HECTD2: variants seen among roughly 807,000 people sequenced by gnomAD.
HECTD2 encodes probable E3 ubiquitin-protein ligase HECTD2.
In HECTD2, 35 loss-of-function variants were observed where a neutral mutation model predicts 103.2. That is an observed-to-expected ratio of 0.34 (90% CI 0.26 to 0.45). The LOEUF is 0.45. Ranked by LOEUF, HECTD2 falls within the 20% of genes least tolerant of loss-of-function variation. The pLI, the probability that HECTD2 is intolerant of heterozygous loss-of-function variation, is 1.00. For synonymous variants in HECTD2, 281 were observed against 329.9 expected, an observed-to-expected ratio of 0.85 and a Z score of 1.61; for missense variants, 596 against 937.4, an observed-to-expected ratio of 0.64 and a Z score of 4.76.
At position 91,414,557 on chromosome 10, in the gene HECTD2, A is replaced by G. The variant is rs575856255; in HGVS notation, c.138+3981A>G. ...GGGTTAACACATGAAAAGCAAAGCA[A>G]TATGTAAAAACCACAATGAGCCATA... On this transcript the variant is annotated intron_variant, in intron 1 of 20. Transcript: ENST00000298068. Among the ~76,000 whole-genome samples the G allele has an allele frequency of 3.9e-5, 6 of 152,364 alleles. No homozygotes were observed. In the South Asian group the frequency reaches 1.2e-3, roughly 32 times the overall value.
In HECTD2 at chr10:91,512,481, CA is replaced by C; in HGVS notation, c.*100del. On this transcript the variant is annotated 3_prime_UTR_variant, in exon 21 of 21. Coordinates refer to ENST00000298068, the MANE Select transcript of HECTD2 (RefSeq NM_182765.6). Reference sequence around the variant, plus strand: ...ATGTTTCTGTCTCAAAACACTTTGACAAAGCTCACCAACTTTAAAATATTAA... The same window carrying C: ...ATGTTTCTGTCTCAAAACACTTTGACAAGCTCACCAACTTTAAAATATTAA... 3 of 1,062,136 alleles carry C rather than the reference CA, an allele frequency of 2.8e-6. No individual in the cohort carries two copies. Among genetic ancestry groups the C allele is most frequent in the Non-Finnish European group, 4.0e-6 (3 of 741,104 alleles). The allele number at this position is 1,062,136 out of a possible 1,614,324, so 65.8% of individuals were successfully genotyped here.
In HECTD2 at chr10:91,503,224, C is replaced by T. The variant is rs11186594; in HGVS notation, c.2210+1890C>T. On this transcript the variant is annotated intron_variant, in intron 20 of 20. Transcript: ENST00000298068. ...ACCACAATGAGATACCATCTCACAGCGGTCAGAATGGCTATTGTTATATTA... is the reference window on the plus strand; with the variant it reads ...ACCACAATGAGATACCATCTCACAGTGGTCAGAATGGCTATTGTTATATTA... Among the ~76,000 whole-genome samples, 280 of 152,280 alleles carry T rather than the reference C, an allele frequency of 1.8e-3. 5 individuals carry two copies. The East Asian group carries it at 0.037, about 20-fold the overall frequency.
intron 1 of HECTD2, among the ~76,000 whole-genome samples, chr10:91,415,216 G>GTGTGTGTC (rs1001089297): frequency 2.0e-5 from 3 of 151,908 alleles, no homozygotes; most frequent in African/African-American, 7.3e-5. Flanking sequence ...GTGTGTGTGT[G>GTGTGTGTC]TGTGTGTGTG....
At chr10:91,430,320 AGGTGT>A (rs1843789602) in intron 2 of HECTD2, among the ~76,000 whole-genome samples, 3 of 152,210 alleles carry the variant, frequency 2.0e-5, no homozygotes, top group Admixed American at 2.0e-4. Flanking sequence ...ATTTTGGAAT[AGGTGT>A]GGTGTGGTGC....
chr10:91,510,496 T>C (rs1038044067), intron 20 of HECTD2, among the ~76,000 whole-genome samples: 1 of 152,210 alleles, frequency 6.6e-6, no homozygotes, highest in Admixed American at 6.5e-5. Context: ...TCTGGTAGAA[T>C]ATTGATATTG....
In HECTD2 at chr10:91,496,311, A is replaced by C. The variant is rs1352149288; in HGVS notation, c.1619A>C (p.Asp540Ala). ...KLLSPPIIPS[D>A]QNIPVGICNV... is the part of the protein sequence containing the mutation. ...TTGAGCCCTCCCATCATTCCTAGTG[A>C]TCAAAATATACCAGTAGGCATCTGC... The change falls in exon 15 of 21, where the codon GAT becomes GCT. Residue 540 changes from aspartate (D) to alanine (A), a missense_variant. Physicochemically the swap from Asp to Ala is moderately radical, Grantham distance 126. Transcript: ENST00000298068. 2.5e-6 allele frequency: 4 copies of C among 1,611,976 alleles called. No individual in the cohort carries two copies. The highest frequency in any genetic ancestry group is 8.5e-7 in the Non-Finnish European group (1 of 1,178,256).
In HECTD2 at chr10:91,410,391, A is replaced by G; in HGVS notation, c.-48A>G. On this transcript the variant is annotated 5_prime_UTR_variant, in exon 1 of 21. Transcript: ENST00000298068. ...GGCAGCAGCAGCGCCAGCCCCAGCA[A>G]CACTGAGGCCGCCGCCGCCGCCTGG... 7.8e-7 allele frequency: 1 copy of G among 1,281,806 alleles called. No homozygotes were observed. Among genetic ancestry groups the G allele is most frequent in the Non-Finnish European group, 1.0e-6 (1 of 1,003,986 alleles). 79.4% of individuals were successfully genotyped at this position (1,281,806 alleles called of 1,614,324 possible).
At chr10:91,439,236 C>G (rs925731344) in intron 2 of HECTD2, among the ~76,000 whole-genome samples, 5 of 152,190 alleles carry the variant, frequency 3.3e-5, no homozygotes, top group Middle Eastern at 3.4e-3. Flanking sequence ...TTTAATTCAT[C>G]TTGAGTTAAT....
At position 91,512,345 on chromosome 10, in the gene HECTD2, C is replaced by G; in HGVS notation, c.2292C>G (p.Ile764Met). The G allele has an allele frequency of 6.2e-7, 1 of 1,613,342 alleles. No individual in the cohort carries two copies. Among genetic ancestry groups the G allele is most frequent in the Non-Finnish European group, 8.5e-7 (1 of 1,179,510 alleles). ...AAAAGGATCTGAAACAGAAATTGAT[C>G]ATTGGAATTTCAAATTCAGAAGGTT... ...KSKKDLKQKL[I>M]IGISNSEGFG... is the part of the protein sequence containing the mutation. Residue 764 changes from isoleucine to methionine, a missense_variant, in exon 21 of 21, where the codon ATC becomes ATG. Physicochemically the swap from Ile to Met is conservative, Grantham distance 10. Coordinates refer to ENST00000298068, the MANE Select transcript of HECTD2 (RefSeq NM_182765.6).
chr10:91,425,235 A>G (rs748694310), intron 1 of HECTD2, 46 bp from the exon 2 acceptor site: 5 of 1,347,106 alleles, frequency 3.7e-6, no homozygotes, highest in South Asian at 2.1e-5. Flanking sequence ...AAAATAATTT[A>G]TAGGTAGTAG....
chr10:91,505,177 TG>T (rs1257335093), intron 20 of HECTD2, among the ~76,000 whole-genome samples: 2 of 151,238 alleles, frequency 1.3e-5, no homozygotes, highest in Admixed American at 6.6e-5. Context: ...CATGCCAAAA[TG>T]TAAAGACCAT....
rs1847537522 is a variant in HECTD2 at position 91,514,476 on chromosome 10, A to G, written c.*2092A>G. ...TTAAAAAATAAAAACCACTACTGTT[A>G]CATTTTATTAATTTAAAAAGCTAGA... On this transcript the variant is annotated 3_prime_UTR_variant, in exon 21 of 21. Coordinates refer to ENST00000298068, the MANE Select transcript of HECTD2 (RefSeq NM_182765.6). The G allele has an allele frequency of 6.6e-6, 1 of 152,646 alleles. No individual in the cohort carries two copies. 9.5% of individuals were successfully genotyped at this position (152,646 alleles called of 1,614,324 possible).
At chr10:91,506,488 ACAAACACCTCTACG>A (rs1233108641) in intron 20 of HECTD2, among the ~76,000 whole-genome samples, 1 of 151,910 alleles carries the variant, frequency 6.6e-6, no homozygotes, top group Non-Finnish European at 1.5e-5. Flanking sequence ...AGAGAATACT[ACAAACACCTCTACG>A]CAAATAAACT....
In HECTD2 at chr10:91,491,182, ACTTT is replaced by A. The variant is rs1846464913; in HGVS notation, c.1192-14_1192-11del. ...AGTCTAAGTAAAAGCAAAACTGTTTACTTTCTTATTTAATCAGCAAAGTCTGGTG... is the reference window on the plus strand; with the variant it reads ...AGTCTAAGTAAAAGCAAAACTGTTTACTTATTTAATCAGCAAAGTCTGGTG... On this transcript the variant is annotated splice_polypyrimidine_tract_variant and intron_variant, in intron 11 of 20. Transcript: ENST00000298068. 7.8e-7 allele frequency: 1 copy of A among 1,285,984 alleles called. No individual in the cohort carries two copies. Among genetic ancestry groups the A allele is most frequent in the African/African-American group, 1.5e-5 (1 of 68,250 alleles). The allele number at this position is 1,285,984 out of a possible 1,614,324, so 79.7% of individuals were successfully genotyped here.
At chr10:91,485,431 C>T in intron 10 of HECTD2, 128 bp downstream of exon 10, 3 of 604,208 alleles carry the variant, frequency 5.0e-6, no homozygotes, top group South Asian at 2.6e-5. Flanking sequence ...GTTCAGATAG[C>T]CTTGAAATAT....
chr10:91,485,869 G>A (rs1030112034), intron 10 of HECTD2: 11 of 151,996 alleles, frequency 7.2e-5, no homozygotes, highest in Non-Finnish European at 1.6e-4. Context: ...AAAAGTGGTT[G>A]TCCATTAGGT....
intron 5 of HECTD2, among the ~76,000 whole-genome samples, chr10:91,468,948 A>AAAC (rs1343882552): frequency 6.6e-6 from 1 of 151,636 alleles, no homozygotes; most frequent in African/African-American, 2.4e-5. Flanking sequence ...TCAAAAAAAA[A>AAAC]AAAAAAAAAC....
In HECTD2 at chr10:91,452,194, G is replaced by A. The variant is rs114724408; in HGVS notation, c.269-8233G>A. Among the ~76,000 whole-genome samples the A allele has an allele frequency of 7.3e-3, 1,106 of 152,138 alleles. 13 individuals carry two copies. Among genetic ancestry groups the A allele is most frequent in the African/African-American group, 0.024 (1,011 of 41,524 alleles). ...TATTATCAGAGTCCCAGAAGGAGAG[G>A]AAAAGACAGTAGGGCTAAAAAAGTA... On this transcript the variant is annotated intron_variant, in intron 2 of 20. Coordinates refer to ENST00000298068, the MANE Select transcript of HECTD2 (RefSeq NM_182765.6).
At chr10:91,429,056 A>G (rs943695433) in intron 2 of HECTD2, among the ~76,000 whole-genome samples, 7 of 152,236 alleles carry the variant, frequency 4.6e-5, no homozygotes, top group African/African-American at 1.7e-4. Context: ...TGTCCCATCA[A>G]TACCTAATTT....
Sources: gnomAD v4.1 joint callset for allele counts (sites outside exome capture counted in the v4.1 genomes callset) on GRCh38, gnomAD v4.1.1 for gene constraint, MANE v1.5 for transcripts, NCBI Gene and HGNC (gene_info 2026-07-23, HGNC 2026-07-21) for gene names.